The following TSHZ1 variants were observed in gnomAD, a reference collection of about 807,000 sequenced individuals.
The protein encoded by TSHZ1 is teashirt homolog 1.
In TSHZ1, 12 loss-of-function variants were observed where a neutral mutation model predicts 67.1. The observed-to-expected ratio is 0.18, with a 90% CI of 0.11 to 0.29. The LOEUF is 0.29. Among genes scored for constraint, TSHZ1 ranks in the 10% least tolerant of loss-of-function variants. TSHZ1 has a pLI of 1.00. For synonymous variants in TSHZ1, 632 were observed against 622.4 expected (o/e 1.02, Z -0.23); for missense variants, 1,305 against 1,413.9 (o/e 0.92, Z 1.23).
At chr18:75,215,492 G>T (rs935029051) in intron 1 of TSHZ1, among the ~76,000 whole-genome samples, 2 of 152,124 alleles carry the variant, frequency 1.3e-5, no homozygotes, top group African/African-American at 4.8e-5. Flanking sequence ...TTAAACGGTG[G>T]ATATCTCAAA....
chr18:75,261,666 GT>G (rs2023432369), intron 1 of TSHZ1, among the ~76,000 whole-genome samples: 2 of 152,220 alleles, frequency 1.3e-5, no homozygotes, highest in Non-Finnish European at 2.9e-5. Flanking sequence ...GTTACATAGT[GT>G]ATTCAGTTCT....
chr18:75,248,650 A>T (rs1326108100), intron 1 of TSHZ1, among the ~76,000 whole-genome samples: 1 of 152,158 alleles, frequency 6.6e-6, no homozygotes, highest in East Asian at 1.9e-4. Context: ...TCTAAAAGAA[A>T]TTTTTCCCCT....
In TSHZ1 at chr18:75,286,105, A is replaced by G. The variant is rs1181795634; in HGVS notation, c.698A>G (p.Asn233Ser). 6.2e-7 allele frequency: 1 copy of G among 1,612,154 alleles called. No individual in the cohort carries two copies. ...ACCGTGCAGCTCTACCGCCAGAACA[A>G]CAAGCTCTACGGCTCCGTCTTCACG... ...FSTVQLYRQN[N>S]KLYGSVFTGA... The change falls in exon 2 of 2, where the codon AAC becomes AGC. Residue 233 changes from asparagine to serine, a missense_variant. Physicochemically the swap from Asn to Ser is conservative, Grantham distance 46. Coordinates refer to ENST00000580243, the MANE Select transcript of TSHZ1 (RefSeq NM_001308210.2). This position sits in a 1 kb window ranked among gnomAD's most constrained non-coding sequence, Gnocchi z 5.1.
intron 1 of TSHZ1, among the ~76,000 whole-genome samples, chr18:75,269,768 A>G (rs2023535463): frequency 6.6e-6 from 1 of 152,036 alleles, no homozygotes; most frequent in Admixed American, 6.6e-5. Flanking sequence ...CATCTTCTCA[A>G]ACTAAACTGA....
intron 1 of TSHZ1, among the ~76,000 whole-genome samples, chr18:75,216,204 A>G (rs944473249): frequency 6.6e-6 from 1 of 152,154 alleles, no homozygotes; most frequent in African/African-American, 2.4e-5. Flanking sequence ...CTTATTTCCT[A>G]CTCACTGCAT....
chr18:75,227,654 C>A (rs1488123730), intron 1 of TSHZ1, among the ~76,000 whole-genome samples: 1 of 152,122 alleles, frequency 6.6e-6, no homozygotes, highest in African/African-American at 2.4e-5. Context: ...TCATCCCCAC[C>A]CCTTTGTACT....
At chr18:75,249,146 C>T (rs1043130680) in intron 1 of TSHZ1, among the ~76,000 whole-genome samples, 7 of 152,150 alleles carry the variant, frequency 4.6e-5, no homozygotes, top group Non-Finnish European at 1.0e-4. Flanking sequence ...TGCTCTCTGT[C>T]CCTTGTCCCT....
Position 75,288,026 on chromosome 18 carries a change from G to C in TSHZ1, c.2619G>C (p.Glu873Asp). 6.2e-7 allele frequency: 1 copy of C among 1,614,136 alleles called. No individual in the cohort carries two copies. Among genetic ancestry groups the C allele is most frequent in the Non-Finnish European group, 8.5e-7 (1 of 1,180,038 alleles). ...EKSDADGSSFEEALDELSPVH... is the reference protein window; with the variant it reads ...EKSDADGSSFDEALDELSPVH... ...CCGATGCTGATGGCAGCAGCTTTGA[G>C]GAGGCGTTGGACGAGCTGTCACCGG... Residue 873 changes from glutamate to aspartate, a missense_variant, in exon 2 of 2, where the codon GAG becomes GAC. Physicochemically the swap from Glu to Asp is conservative, Grantham distance 45 (BLOSUM62 2). Around this residue, in one of 3 missense-constraint regions of TSHZ1, gnomAD observed 909 missense variants for 961.8 expected, o/e 0.95. Coordinates refer to ENST00000580243, the MANE Select transcript of TSHZ1 (RefSeq NM_001308210.2). The surrounding 1 kb of genome is among the most constrained non-coding windows in gnomAD (Gnocchi z 4.9).
chr18:75,257,804 G>A (rs747921639), intron 1 of TSHZ1, among the ~76,000 whole-genome samples: 39 of 152,180 alleles, frequency 2.6e-4, no homozygotes, highest in Admixed American at 5.2e-4. Context: ...TGTTCCCGTG[G>A]TAACAGAAGC....
Position 75,270,921 on chromosome 18 carries a change from C to T in TSHZ1, c.41-14527C>T, listed in dbSNP as rs191258772. Among the ~76,000 whole-genome samples, 61 of 152,100 alleles carry T rather than the reference C, an allele frequency of 4.0e-4. 1 individual carries two copies. Among genetic ancestry groups the T allele is most frequent in the African/African-American group, 1.1e-3 (46 of 41,462 alleles). Reference sequence around the variant, plus strand: ...TTTCATGAGCAGAACCAAAGGAGGCCGAAGGGAAAGAGAGAACCACGGAAA... The same window carrying T: ...TTTCATGAGCAGAACCAAAGGAGGCTGAAGGGAAAGAGAGAACCACGGAAA... On this transcript the variant is annotated intron_variant, in intron 1 of 1. Coordinates refer to ENST00000580243, the MANE Select transcript of TSHZ1 (RefSeq NM_001308210.2).
Position 75,285,973 on chromosome 18 carries a change from C to A in TSHZ1, c.566C>A (p.Thr189Asn), listed in dbSNP as rs2023753679. The A allele has an allele frequency of 6.3e-7, 1 of 1,592,296 alleles. No individual in the cohort carries two copies. The highest frequency in any genetic ancestry group is 8.5e-7 in the Non-Finnish European group (1 of 1,170,274). The change falls in exon 2 of 2, where the codon ACC (threonine) becomes AAC (asparagine). Residue 189 changes from threonine (T) to asparagine (N), a missense_variant. Thr to Asn is a moderately conservative substitution (Grantham distance 65). Transcript: ENST00000580243. Reference protein sequence around the residue: ...CSSSTSHSSTTSTSSSSGYDW... With the variant: ...CSSSTSHSSTNSTSSSSGYDW... ...TCCAGCACCAGCCACAGCAGTACCA[C>A]CAGTACCAGCAGCAGCTCCGGGTAC...
chr18:75,216,079 CT>C (rs1393118948), intron 1 of TSHZ1, among the ~76,000 whole-genome samples: 1 of 152,070 alleles, frequency 6.6e-6, no homozygotes, highest in Non-Finnish European at 1.5e-5. Flanking sequence ...CGTATGCTTT[CT>C]GAATATTTAA....
chr18:75,221,422 G>GT (rs1252373591), intron 1 of TSHZ1, among the ~76,000 whole-genome samples: 2 of 152,186 alleles, frequency 1.3e-5, no homozygotes, highest in African/African-American at 4.8e-5. Context: ...TCAGAAACCT[G>GT]TATTTATTAC....
At chr18:75,262,620 G>A (rs2023444147) in intron 1 of TSHZ1, among the ~76,000 whole-genome samples, 1 of 152,202 alleles carries the variant, frequency 6.6e-6, no homozygotes, top group Non-Finnish European at 1.5e-5. Flanking sequence ...GGCCTCAAGA[G>A]TGGTCCTGTT....
At chr18:75,214,002 C>G (rs959183018) in intron 1 of TSHZ1, among the ~76,000 whole-genome samples, 3 of 152,144 alleles carry the variant, frequency 2.0e-5, no homozygotes, top group African/African-American at 7.2e-5. Context: ...TTCCAAGTGT[C>G]CTGTGTTTTG....
chr18:75,274,091 C>T (rs867771359), intron 1 of TSHZ1, among the ~76,000 whole-genome samples: 4 of 152,108 alleles, frequency 2.6e-5, no homozygotes, highest in African/African-American at 4.8e-5. Context: ...CGTGTCCCCC[C>T]GATGGCAGGA....
intron 1 of TSHZ1, among the ~76,000 whole-genome samples, chr18:75,258,510 A>G (rs1368341898): frequency 6.6e-6 from 1 of 152,204 alleles, no homozygotes; most frequent in African/African-American, 2.4e-5. Flanking sequence ...CTCATTTAAG[A>G]AAAATAAAGA....
In TSHZ1 at chr18:75,222,502, G is replaced by A. The variant is rs532214008; in HGVS notation, c.40+10586G>A. On this transcript the variant is annotated intron_variant, in intron 1 of 1. Coordinates refer to ENST00000580243, the MANE Select transcript of TSHZ1 (RefSeq NM_001308210.2). ...TCTCAACTCCTCCTCCTCTCTCTACGCAGAGCTCCGAGAAGCTGGTGGAAT... is the reference window on the plus strand; with the variant it reads ...TCTCAACTCCTCCTCCTCTCTCTACACAGAGCTCCGAGAAGCTGGTGGAAT... 1.3e-4 allele frequency among the ~76,000 whole-genome samples: 19 copies of A among 151,956 alleles called. No homozygotes were observed. The South Asian group carries it at 3.7e-3, about 30-fold the overall frequency.
intron 1 of TSHZ1, among the ~76,000 whole-genome samples, chr18:75,245,043 G>T (rs1481536653): frequency 1.3e-5 from 2 of 152,062 alleles, no homozygotes; most frequent in Non-Finnish European, 2.9e-5. Context: ...CTGAAGGAGA[G>T]AACTCTTTTA....
Sources: gnomAD v4.1 joint callset for allele counts (sites outside exome capture counted in the v4.1 genomes callset) on GRCh38, gnomAD v4.1.1 for gene constraint, gnomAD v4.1.1 regional missense constraint, Gnocchi (gnomAD v3.1) non-coding constraint, MANE v1.5 for transcripts, NCBI Gene and HGNC (gene_info 2026-07-23, HGNC 2026-07-21) for gene names.